The following PRMT8 variants were observed in gnomAD, a reference collection of about 807,000 sequenced individuals.
The protein encoded by PRMT8 is protein arginine methyltransferase 8, also known as protein arginine N-methyltransferase 8.
In PRMT8, 7 loss-of-function variants were observed where a neutral mutation model predicts 47.1. The observed-to-expected ratio is 0.15, with a 90% CI of 0.08 to 0.28. The LOEUF (loss-of-function observed/expected upper bound fraction) is 0.28. Among genes scored for constraint, PRMT8 ranks in the 10% least tolerant of loss-of-function variants. The probability of loss-of-function intolerance (pLI) is 1.00; values close to 1 mark genes in which losing one functional copy is unlikely to be tolerated. For synonymous variants in PRMT8, 188 were observed against 186.5 expected, an observed-to-expected ratio of 1.01 and a Z score of -0.07; for missense variants, 237 against 505.4, an observed-to-expected ratio of 0.47 and a Z score of 5.09.
intron 1 of PRMT8, among the ~76,000 whole-genome samples, chr12:3,421,270 T>G (rs912716699): frequency 7.2e-5 from 11 of 152,190 alleles, no homozygotes; most frequent in African/African-American, 2.7e-4. Flanking sequence ...AAGTCATTTT[T>G]ATCTGGTGGG....
At chr12:3,385,382 G>A (rs969531735) in intron 1 of PRMT8, among the ~76,000 whole-genome samples, 2 of 152,142 alleles carry the variant, frequency 1.3e-5, no homozygotes, top group African/African-American at 2.4e-5. Flanking sequence ...CTGAGTGGTA[G>A]CAAGACATTC....
intron 1 of PRMT8, among the ~76,000 whole-genome samples, chr12:3,452,322 CACACACACACACAT>C (rs1397994654): frequency 2.6e-5 from 4 of 151,428 alleles, no homozygotes; most frequent in Admixed American, 1.3e-4. Context: ...ATTAAACACA[CACACACACACACAT>C]ACACACACAC....
intron 1 of PRMT8, among the ~76,000 whole-genome samples, chr12:3,446,453 G>A (rs868465637): frequency 6.6e-6 from 1 of 152,042 alleles, no homozygotes; most frequent in East Asian, 1.9e-4. Context: ...CTGCAGCTGC[G>A]CTCCCTCAGC....
intron 1 of PRMT8, among the ~76,000 whole-genome samples, chr12:3,432,907 C>T (rs781250342): frequency 4.6e-5 from 7 of 152,110 alleles, no homozygotes; most frequent in African/African-American, 7.2e-5. Context: ...TGAAAGGGAT[C>T]GTCCTATTCC....
At chr12:3,540,968 A>C (rs533686598) in intron 2 of PRMT8, among the ~76,000 whole-genome samples, 177 bp downstream of exon 2, 53 of 152,306 alleles carry the variant, frequency 3.5e-4, no homozygotes, top group Middle Eastern at 6.8e-3. Context: ...GGGCCAGGCC[A>C]GGCCTGGAGC....
rs1386223196 is a variant in PRMT8, at chr12:3,462,435, G to A, written c.49-78171G>A. Among the ~76,000 whole-genome samples the A allele has an allele frequency of 3.3e-5, 5 of 152,032 alleles. 1 individual carries two copies. Among genetic ancestry groups the A allele is most frequent in the African/African-American group, 9.7e-5 (4 of 41,264 alleles). ...CTTACTGATTTACAGAAATAACTTA[G>A]ATGAATGACTTGCTACTCATTGTTA... On this transcript the variant is annotated intron_variant, in intron 1 of 9. Transcript: ENST00000452611.
At chr12:3,402,690 A>G (rs1864330285) in intron 1 of PRMT8, among the ~76,000 whole-genome samples, 2 of 152,230 alleles carry the variant, frequency 1.3e-5, no homozygotes, top group South Asian at 2.1e-4. Flanking sequence ...AAGAAGACAT[A>G]CATTTGGCCA....
chr12:3,497,413 C>T (rs957000881), intron 1 of PRMT8, among the ~76,000 whole-genome samples: 17 of 152,204 alleles, frequency 1.1e-4, no homozygotes, highest in East Asian at 3.9e-4. Flanking sequence ...TCTCAGTAGT[C>T]GGAAGTTCTC....
rs549683934 is a variant in PRMT8 at position 3,524,050 on chromosome 12, C to T, written c.76-16556C>T. On this transcript the variant is annotated intron_variant, in intron 1 of 9. Transcript: ENST00000382622. ...TCAGTAACCTGTTAGTATCCAATTGCACCGGAACTTGTGCCTTACTTAGTT... is the reference window on the plus strand; with the variant it reads ...TCAGTAACCTGTTAGTATCCAATTGTACCGGAACTTGTGCCTTACTTAGTT... 2.0e-5 allele frequency among the ~76,000 whole-genome samples: 3 copies of T among 152,326 alleles called. No individual in the cohort carries two copies. The East Asian group carries it at 5.8e-4, about 29-fold the overall frequency.
At position 3,583,746 on chromosome 12, in the gene PRMT8, C is replaced by T. The variant is rs61907727; in HGVS notation, c.979+538C>T. Among the ~76,000 whole-genome samples, 13,207 of 152,288 alleles carry T rather than the reference C, an allele frequency of 0.087. 692 individuals carry two copies. Among genetic ancestry groups the T allele is most frequent in the Non-Finnish European group, 0.13 (8,914 of 68,000 alleles). On this transcript the variant is annotated intron_variant, in intron 8 of 9. Coordinates refer to ENST00000382622, the MANE Select transcript of PRMT8 (RefSeq NM_019854.5). The surrounding 1 kb of genome is among the most constrained non-coding windows in gnomAD (Gnocchi z 4.7). ...CACTCCCAAATCCCAGCCCCGCTTACGAGGTGCCTCGCTGCCTGCAGTAGA... is the reference window on the plus strand; with the variant it reads ...CACTCCCAAATCCCAGCCCCGCTTATGAGGTGCCTCGCTGCCTGCAGTAGA...
Position 3,514,508 on chromosome 12 carries a change from G to A in PRMT8, c.75+22808G>A, listed in dbSNP as rs7310213. On this transcript the variant is annotated intron_variant, in intron 1 of 9. Coordinates refer to ENST00000382622, the MANE Select transcript of PRMT8 (RefSeq NM_019854.5). The surrounding 1 kb of genome is among the most constrained non-coding windows in gnomAD (Gnocchi z 5.9). ...AAGATGTCCAATATAAGCGGGTCAG[G>A]GTCACCCTGCCTCCAAGTGGAATGT... 0.1 allele frequency among the ~76,000 whole-genome samples: 15,738 copies of A among 152,156 alleles called. 1,017 individuals carry two copies. The highest frequency in any genetic ancestry group is 0.18 in the African/African-American group (7,622 of 41,482).
chr12:3,479,367 T>G (rs1298759503), intron 1 of PRMT8, among the ~76,000 whole-genome samples: 1 of 152,196 alleles, frequency 6.6e-6, no homozygotes, highest in Non-Finnish European at 1.5e-5. Flanking sequence ...GCTCTCCAGA[T>G]AGGAAGGAGA....
chr12:3,400,263 A>C (rs1249333350), intron 1 of PRMT8, among the ~76,000 whole-genome samples: 1 of 152,218 alleles, frequency 6.6e-6, no homozygotes, highest in Non-Finnish European at 1.5e-5. Context: ...GTAGACCACT[A>C]GTTAGACTAA....
intron 2 of PRMT8, among the ~76,000 whole-genome samples, chr12:3,548,111 A>G (rs1334524011): frequency 6.6e-6 from 1 of 152,198 alleles, no homozygotes; most frequent in Admixed American, 6.5e-5. Flanking sequence ...AAAGGTGACA[A>G]GGTGATTAAT....
At chr12:3,496,214 A>ATATATTTTTTTTTTTTTTTTTTTTTTTT in intron 1 of PRMT8, among the ~76,000 whole-genome samples, 1 of 27,756 alleles carries the variant, frequency 3.6e-5, no homozygotes, top group Non-Finnish European at 7.9e-5. Flanking sequence ...ATATATATAT[A>ATATATTTTTTTTTTTTTTTTTTTTTTTT]TTTTTTTTTT....
chr12:3,496,214 A>ATATAT, intron 1 of PRMT8, among the ~76,000 whole-genome samples: 4 of 27,776 alleles, frequency 1.4e-4, no homozygotes, highest in Non-Finnish European at 2.4e-4. Context: ...ATATATATAT[A>ATATAT]TTTTTTTTTT....
intron 1 of PRMT8, among the ~76,000 whole-genome samples, chr12:3,533,229 A>G (rs906341026): frequency 1.3e-5 from 2 of 152,128 alleles, no homozygotes; most frequent in Admixed American, 6.5e-5. Flanking sequence ...GTGCCTACGA[A>G]GCCAAGTCTT....
chr12:3,485,143 A>G (rs529818308), intron 1 of PRMT8, among the ~76,000 whole-genome samples: 23 of 152,304 alleles, frequency 1.5e-4, no homozygotes, highest in Admixed American at 7.2e-4. Flanking sequence ...CATGAAATCC[A>G]TGCTCTGTTG....
chr12:3,447,206 T>G (rs375878551), intron 1 of PRMT8, among the ~76,000 whole-genome samples: 123 of 152,282 alleles, frequency 8.1e-4, no homozygotes, highest in African/African-American at 2.7e-3. Flanking sequence ...CAGAGTCTCA[T>G]TTTGCTTTCC....
Sources: allele counts gnomAD v4.1 joint callset (sites outside exome capture counted in the v4.1 genomes callset), GRCh38; gene constraint gnomAD v4.1.1; non-coding constraint Gnocchi (gnomAD v3.1); transcripts MANE v1.5; gene names NCBI Gene and HGNC (gene_info 2026-07-23, HGNC 2026-07-21).